DIP2C: variants seen among roughly 807,000 people sequenced by gnomAD.
DIP2C encodes the protein DIP2 acetate--CoA ligase C (putative), also known as disco-interacting protein 2 homolog C.
In DIP2C, 33 loss-of-function variants were observed where a neutral mutation model predicts 192.4. That is an observed-to-expected ratio of 0.17 (90% confidence interval 0.13 to 0.23). The LOEUF (loss-of-function observed/expected upper bound fraction) is 0.23, where lower values mean the gene tolerates loss of function less well. Among genes scored for constraint, DIP2C ranks in the 10% least tolerant of loss-of-function variants. The pLI is 1.00. For synonymous variants in DIP2C, 979 were observed against 864.1 expected (o/e 1.13, Z -2.33); for missense variants, 1,537 against 2,110.1 (o/e 0.73, Z 5.32).
chr10:389,388 G>C (rs1963272848), intron 13 of DIP2C, among the ~76,000 whole-genome samples: 1 of 150,778 alleles, frequency 6.6e-6, no homozygotes, highest in South Asian at 2.1e-4. Flanking sequence ...CTCCACTCAA[G>C]TTCCCTCCAC....
At chr10:567,324 G>A (rs985709352) in intron 1 of DIP2C, among the ~76,000 whole-genome samples, 4 of 152,100 alleles carry the variant, frequency 2.6e-5, no homozygotes, top group Non-Finnish European at 5.9e-5. Flanking sequence ...GAATAGCTGG[G>A]ATTACAACAG....
chr10:310,163 T>G lies in DIP2C; in HGVS notation c.3925-71A>C. Reference sequence around the variant, plus strand: ...GATTGGGGTCTGTGCTTCTACTAGTTAGGAAACATTTCTTTTGTAAAATCT... The same window carrying G: ...GATTGGGGTCTGTGCTTCTACTAGTGAGGAAACATTTCTTTTGTAAAATCT... On this transcript the variant is annotated intron_variant, in intron 31 of 36. Transcript: ENST00000280886. The G allele has an allele frequency of 2.2e-6, 3 of 1,349,248 alleles. No individual in the cohort carries two copies. In the South Asian group the frequency reaches 3.7e-5, roughly 17 times the overall value. 83.6% of individuals were successfully genotyped at this position (1,349,248 alleles called of 1,614,324 possible). A position where few individuals can be genotyped will look rare whatever the true frequency, so the allele number is the denominator to read the frequency against.
At chr10:486,222 C>T (rs947469) in intron 2 of DIP2C, among the ~76,000 whole-genome samples, 125,763 of 152,238 alleles carry the variant, frequency 0.83, 54,233 homozygotes, top group Non-Finnish European at 0.94. Flanking sequence ...AACCCAATAC[C>T]GATCTCTACT....
At chr10:328,877 C>T (rs941181629) in intron 30 of DIP2C, among the ~76,000 whole-genome samples, 1 of 152,112 alleles carries the variant, frequency 6.6e-6, no homozygotes, top group African/African-American at 2.4e-5. Context: ...CTTAATTTAC[C>T]ATGAAGATAT....
chr10:589,379 TATC>T (rs1851273250), intron 1 of DIP2C, among the ~76,000 whole-genome samples: 1 of 152,196 alleles, frequency 6.6e-6, no homozygotes. Flanking sequence ...GATCATTGGT[TATC>T]ATGGCTAAGA....
chr10:619,007 TCTGA>T (rs1212046596), intron 1 of DIP2C, among the ~76,000 whole-genome samples: 3 of 152,242 alleles, frequency 2.0e-5, no homozygotes, highest in Non-Finnish European at 2.9e-5. Flanking sequence ...CTCACTGTGT[TCTGA>T]CTGTGGCCTG....
intron 14 of DIP2C, 137 bp downstream of exon 14, chr10:387,608 T>A (rs1163498981): frequency 2.7e-6 from 2 of 749,264 alleles, no homozygotes; most frequent in Non-Finnish European, 4.7e-6. Flanking sequence ...GGAGGGAGAC[T>A]CCTGTGTGGA....
rs185887495 is a variant in DIP2C, at chr10:649,059, G to C, written c.85+40435C>G. 5.4e-4 allele frequency among the ~76,000 whole-genome samples: 81 copies of C among 150,542 alleles called. 2 individuals carry two copies. The East Asian group carries it at 0.015, about 27-fold the overall frequency. ...GGAAACTGAGTCCACGTCCACATTG[G>C]ATGGTGGGAGAGAACATAGGGAAAC... On this transcript the variant is annotated intron_variant, in intron 1 of 36. Transcript: ENST00000280886.
At chr10:358,965 C>CA (rs1383264637) in intron 22 of DIP2C, among the ~76,000 whole-genome samples, 4 of 151,966 alleles carry the variant, frequency 2.6e-5, no homozygotes, top group Non-Finnish European at 5.9e-5. Context: ...ACTATTAAAT[C>CA]AAATTCTTAA....
chr10:613,714 TC>T (rs1183462158), intron 1 of DIP2C, among the ~76,000 whole-genome samples: 1 of 152,150 alleles, frequency 6.6e-6, no homozygotes, highest in Non-Finnish European at 1.5e-5. Context: ...GGAATGGAGT[TC>T]AACAGATCCT....
At chr10:421,403 C>T (rs913859898) in intron 5 of DIP2C, among the ~76,000 whole-genome samples, 1 of 152,180 alleles carries the variant, frequency 6.6e-6, no homozygotes, top group African/African-American at 2.4e-5. Context: ...TCCGAGGATA[C>T]AAATGCTTCC....
intron 8 of DIP2C, among the ~76,000 whole-genome samples, chr10:410,408 T>TC (rs1183285922): frequency 6.6e-6 from 1 of 152,236 alleles, no homozygotes; most frequent in African/African-American, 2.4e-5. Context: ...CCTTAGCTCC[T>TC]CATCCTCAAC....
At position 651,148 on chromosome 10, in the gene DIP2C, AG is replaced by A. The variant is rs1366098660; in HGVS notation, c.85+38345del. The A allele has an allele frequency of 1.4e-6, 1 of 717,350 alleles. No homozygotes were observed. The highest frequency in any genetic ancestry group is 2.6e-6 in the Non-Finnish European group (1 of 385,094). The allele number at this position is 717,350 out of a possible 1,614,324, so 44.4% of individuals were successfully genotyped here. On this transcript the variant is annotated intron_variant, in intron 1 of 36. Coordinates refer to ENST00000280886, the MANE Select transcript of DIP2C (RefSeq NM_014974.3). The surrounding 1 kb of genome is among the most constrained non-coding windows in gnomAD (Gnocchi z 4.1). Reference sequence around the variant, plus strand: ...TCAGTCAATGTCCACTGGGGGCCTCAGGGGCACCTCCACCTGCCCAGGTCTG... The same window carrying A: ...TCAGTCAATGTCCACTGGGGGCCTCAGGGCACCTCCACCTGCCCAGGTCTG...
intron 17 of DIP2C, among the ~76,000 whole-genome samples, chr10:376,265 G>C (rs1961572310): frequency 7.2e-6 from 1 of 138,868 alleles, no homozygotes; most frequent in Non-Finnish European, 1.5e-5. Context: ...GACAGAGCCG[G>C]CAGGGAGAAG....
intron 4 of DIP2C, 76 bp from the exon 5 acceptor site, chr10:423,109 C>G: frequency 7.3e-7 from 1 of 1,367,102 alleles, no homozygotes; most frequent in East Asian, 2.3e-5. Context: ...TCGCCAAACA[C>G]AGATTTACTT....
rs975137560 is a variant in DIP2C at position 689,341 on chromosome 10, G to C, written c.85+153C>G. Among the ~76,000 whole-genome samples, 3 of 151,224 alleles carry C rather than the reference G, an allele frequency of 2.0e-5. No homozygotes were observed. The highest frequency in any genetic ancestry group is 7.3e-5 in the African/African-American group (3 of 41,272). On this transcript the variant is annotated intron_variant, in intron 1 of 36. Coordinates refer to ENST00000280886, the MANE Select transcript of DIP2C (RefSeq NM_014974.3). This position sits in a 1 kb window ranked among gnomAD's most constrained non-coding sequence, Gnocchi z 6.1. The stretch of plus-strand genomic sequence containing the variant: ...CAAACGTCCCTAGGGCGCGGGGTCT[G>C]GGGGTCCGGGGGACGCGCACGCTCC...
At position 276,399 on chromosome 10, in the gene DIP2C, G is replaced by A. The variant is rs1954520026; in HGVS notation, c.*926C>T. 1 of 152,610 alleles carries A rather than the reference G, an allele frequency of 6.6e-6. No individual in the cohort carries two copies. Among genetic ancestry groups the A allele is most frequent in the Admixed American group, 6.5e-5 (1 of 15,274 alleles). The allele number at this position is 152,610 out of a possible 1,614,324, so 9.5% of individuals were successfully genotyped here. On this transcript the variant is annotated 3_prime_UTR_variant, in exon 37 of 37. Coordinates refer to ENST00000280886, the MANE Select transcript of DIP2C (RefSeq NM_014974.3). ...AGTACGGGGGGCACACCATGCAAGT[G>A]ACAAGTTCTGCATCTTAAACTTTAA...
intron 1 of DIP2C, among the ~76,000 whole-genome samples, chr10:539,768 G>A (rs1188467752): frequency 1.3e-5 from 2 of 152,118 alleles, no homozygotes; most frequent in Non-Finnish European, 2.9e-5. Context: ...ATTCTTAAAG[G>A]AATCACACTC....
intron 1 of DIP2C, among the ~76,000 whole-genome samples, chr10:608,123 CAGCCCCA>C (rs1201483248): frequency 8.8e-4 from 111 of 125,588 alleles, no homozygotes; most frequent in African/African-American, 4.4e-3. Context: ...ACCACACACA[CAGCCCCA>C]ACACACACAC....
Sources: gnomAD v4.1 joint callset for allele counts (sites outside exome capture counted in the v4.1 genomes callset) on GRCh38, gnomAD v4.1.1 for gene constraint, Gnocchi (gnomAD v3.1) non-coding constraint, MANE v1.5 for transcripts, NCBI Gene and HGNC (gene_info 2026-07-23, HGNC 2026-07-21) for gene names.